The following SCOC variants were observed in gnomAD, a reference collection of about 807,000 sequenced individuals.
SCOC encodes the protein short coiled-coil protein, also known as short coiled coil protein.
SCOC carries 7 observed loss-of-function variants against 9.9 expected under a neutral mutation model. The observed-to-expected ratio is 0.71, with a 90% confidence interval of 0.40 to 1.33. The LOEUF is 1.33. Ranked by LOEUF, SCOC falls within the 40% of genes most tolerant of loss-of-function variation. SCOC has a pLI of 0.01. For missense variants in SCOC, 66 were observed against 89.7 expected, an observed-to-expected ratio of 0.74 and a Z score of 1.07; for synonymous variants, 19 against 28.2, an observed-to-expected ratio of 0.67 and a Z score of 1.03.
At chr4:140,275,065 G>A (rs1323318812) in intron 1 of SCOC, among the ~76,000 whole-genome samples, 1 of 152,142 alleles carries the variant, frequency 6.6e-6, no homozygotes, top group Non-Finnish European at 1.5e-5. Flanking sequence ...TCACAGAACT[G>A]GATAAAACGT....
At chr4:140,345,133 C>T (rs1359226645) in intron 2 of SCOC, among the ~76,000 whole-genome samples, 1 of 152,164 alleles carries the variant, frequency 6.6e-6, no homozygotes, top group Non-Finnish European at 1.5e-5. Flanking sequence ...TGCATAGGAG[C>T]TGCTTGCTAA....
intron 1 of SCOC, among the ~76,000 whole-genome samples, chr4:140,313,992 G>A (rs1240764044): frequency 6.6e-6 from 1 of 151,940 alleles, no homozygotes; most frequent in African/African-American, 2.4e-5. Context: ...AGCCGGGTGT[G>A]GTGGCACTCG....
At chr4:140,302,566 T>C (rs185023668) in intron 1 of SCOC, among the ~76,000 whole-genome samples, 20 of 152,302 alleles carry the variant, frequency 1.3e-4, no homozygotes, top group African/African-American at 4.1e-4. Context: ...ACATGAAACT[T>C]TAGGTAAGAT....
intron 1 of SCOC, among the ~76,000 whole-genome samples, chr4:140,267,789 C>T (rs1045659067): frequency 6.6e-6 from 1 of 152,130 alleles, no homozygotes; most frequent in Non-Finnish European, 1.5e-5. Context: ...TTCCTCACCC[C>T]ACCCTGGCTG....
chr4:140,303,050 C>T (rs558602619), intron 1 of SCOC, among the ~76,000 whole-genome samples: 1 of 152,280 alleles, frequency 6.6e-6, no homozygotes, highest in East Asian at 1.9e-4. Context: ...GAGGCTGTGC[C>T]ACACATGCTG....
chr4:140,279,258 G>T (rs1731049884), intron 1 of SCOC, among the ~76,000 whole-genome samples: 1 of 152,178 alleles, frequency 6.6e-6, no homozygotes, highest in Non-Finnish European at 1.5e-5. Flanking sequence ...ATCCAGGTCA[G>T]ATTTCTTTAT....
intron 1 of SCOC, among the ~76,000 whole-genome samples, chr4:140,276,965 T>C (rs1730998714): frequency 6.6e-6 from 1 of 152,188 alleles, no homozygotes; most frequent in Non-Finnish European, 1.5e-5. Context: ...TCTCTCCTCA[T>C]GGAGGTCTTT....
chr4:140,373,136 A>G (rs1728127101), upstream of SCOC: 1 of 403,908 alleles, frequency 2.5e-6, no homozygotes, highest in Admixed American at 5.3e-5. Context: ...CGATTTCGGA[A>G]ATAAGAAAAA....
At chr4:140,358,380 T>C (rs1311578540) in intron 2 of SCOC, among the ~76,000 whole-genome samples, 3 of 152,218 alleles carry the variant, frequency 2.0e-5, no homozygotes, top group African/African-American at 4.8e-5. Context: ...GGAGTATTTT[T>C]CTTAGAAACA....
At chr4:140,271,783 T>C (rs1394281444) in intron 1 of SCOC, among the ~76,000 whole-genome samples, 1 of 152,150 alleles carries the variant, frequency 6.6e-6, no homozygotes, top group Non-Finnish European at 1.5e-5. Flanking sequence ...TGCTAGGTGA[T>C]AGGGAGTTAT....
At position 140,271,652 on chromosome 4, in the gene SCOC, C is replaced by A. The variant is rs561770196; in HGVS notation, c.-19+14242C>A. ...GGGAATCTGTGACCAACAGGGAGCACACAGACAATGGAAGATGTTTCCATG... is the reference window on the plus strand; with the variant it reads ...GGGAATCTGTGACCAACAGGGAGCAAACAGACAATGGAAGATGTTTCCATG... On this transcript the variant is annotated intron_variant, in intron 1 of 4. Transcript: ENST00000394205. Among the ~76,000 whole-genome samples, 4 of 152,268 alleles carry A rather than the reference C, an allele frequency of 2.6e-5. No homozygotes were observed. The South Asian group carries it at 8.3e-4, about 32-fold the overall frequency.
chr4:140,352,902 A>G (rs1727041872), intron 2 of SCOC, among the ~76,000 whole-genome samples: 1 of 152,210 alleles, frequency 6.6e-6, no homozygotes, highest in Middle Eastern at 3.2e-3. Context: ...TTCCAGGGAG[A>G]AATCCAGAGG....
chr4:140,273,997 A>G (rs1240686621), intron 1 of SCOC, among the ~76,000 whole-genome samples: 1 of 152,234 alleles, frequency 6.6e-6, no homozygotes, highest in African/African-American at 2.4e-5. Flanking sequence ...GGATAATTGC[A>G]GACATCTGTT....
intron 1 of SCOC, among the ~76,000 whole-genome samples, chr4:140,300,674 C>A (rs190262897): frequency 2.0e-4 from 30 of 152,328 alleles, no homozygotes; most frequent in Admixed American, 3.9e-4. Context: ...AAGCCAAGCC[C>A]AGGCCCAGGA....
At chr4:140,358,163 C>T (rs1165801929) in intron 2 of SCOC, among the ~76,000 whole-genome samples, 1 of 152,132 alleles carries the variant, frequency 6.6e-6, no homozygotes, top group Non-Finnish European at 1.5e-5. Context: ...TAAAGCAACA[C>T]CTGAGTTGAA....
rs1192797703 is a variant in SCOC at position 140,263,406 on chromosome 4, T to C, written c.-19+5996T>C. 2.0e-5 allele frequency among the ~76,000 whole-genome samples: 3 copies of C among 152,198 alleles called. No homozygotes were observed. The East Asian group carries it at 5.8e-4, about 29-fold the overall frequency. The stretch of plus-strand genomic sequence containing the variant: ...GAAGGGTGAGCATGAGGCCGGGGAC[T>C]CTGCATTCCACATCTGTGCTCAGAG... On this transcript the variant is annotated intron_variant, in intron 1 of 4. Coordinates refer to the SCOC transcript ENST00000394205.
intron 1 of SCOC, among the ~76,000 whole-genome samples, chr4:140,297,271 G>GGC (rs1553935248): frequency 4.2e-4 from 3 of 7,114 alleles, no homozygotes; most frequent in African/African-American, 1.7e-3. Flanking sequence ...GGTGACTGTG[G>GGC]GGGGGGGGGC....
chr4:140,268,807 C>A (rs1236384480), intron 1 of SCOC, among the ~76,000 whole-genome samples: 1 of 152,114 alleles, frequency 6.6e-6, no homozygotes, highest in Admixed American at 6.6e-5. Context: ...GAGGAGCACA[C>A]CTGTATCCCA....
At chr4:140,319,226 G>T (rs913392362) in intron 1 of SCOC, among the ~76,000 whole-genome samples, 1 of 152,054 alleles carries the variant, frequency 6.6e-6, no homozygotes, top group Non-Finnish European at 1.5e-5. Flanking sequence ...TGAGTAGCTG[G>T]GATTACAGCC....
Sources: gnomAD v4.1 joint callset for allele counts (sites outside exome capture counted in the v4.1 genomes callset) on GRCh38, gnomAD v4.1.1 for gene constraint, MANE v1.5 for transcripts, NCBI Gene and HGNC (gene_info 2026-07-23, HGNC 2026-07-21) for gene names.